Variants in NGF observed in about 807,000 individuals in gnomAD.
NGF encodes the protein nerve growth factor, also known as beta-nerve growth factor.
In NGF, 4 loss-of-function variants were observed where a neutral mutation model predicts 12.8. The observed-to-expected ratio is 0.31, with a 90% CI of 0.15 to 0.72. The LOEUF (loss-of-function observed/expected upper bound fraction) is 0.72, where lower values mean the gene tolerates loss of function less well. Among genes scored for constraint, NGF ranks in the 30% least tolerant of loss-of-function variants. The probability of loss-of-function intolerance (pLI) is 0.69; values close to 1 mark genes in which losing one functional copy is unlikely to be tolerated. For missense variants in NGF, 283 were observed against 330.8 expected (o/e 0.86, Z 1.12); for synonymous variants, 140 against 130.0 (o/e 1.08, Z -0.52).
intron 1 of NGF, among the ~76,000 whole-genome samples, chr1:115,318,726 C>T (rs1654537845): frequency 6.6e-6 from 1 of 152,208 alleles, no homozygotes; most frequent in Admixed American, 6.5e-5. Flanking sequence ...TCCCTGGCAG[C>T]CCACCTGCTT....
chr1:115,326,061 C>G (rs780003552), intron 1 of NGF, among the ~76,000 whole-genome samples: 1 of 151,968 alleles, frequency 6.6e-6, no homozygotes, highest in Non-Finnish European at 1.5e-5. Context: ...AGTCGTAGAT[C>G]GTAGCTCATG....
intron 1 of NGF, among the ~76,000 whole-genome samples, chr1:115,334,415 A>C (rs1231186081): frequency 2.0e-5 from 3 of 152,032 alleles, no homozygotes; most frequent in Admixed American, 2.0e-4. Context: ...CTCTAATAGC[A>C]CCTGTCCCTT....
chr1:115,304,123 T>C (rs965856026), intron 1 of NGF, among the ~76,000 whole-genome samples: 2 of 152,030 alleles, frequency 1.3e-5, no homozygotes, highest in Non-Finnish European at 2.9e-5. Context: ...GAGCAATACC[T>C]GTAATGGTCA....
intron 2 of NGF, among the ~76,000 whole-genome samples, chr1:115,290,362 C>T (rs1402070728): frequency 7.1e-6 from 1 of 140,480 alleles, no homozygotes; most frequent in Non-Finnish European, 1.6e-5. Context: ...TTTTCTAATT[C>T]TGAGACAAAC....
chr1:115,337,267 G>GTTTGTTTTTTTTTTTTTTTTT lies in NGF; in HGVS notation c.-137+936_-137+937insAAAAAAAAAAAAAAAAACAAA. On this transcript the variant is annotated intron_variant, in intron 1 of 2. Transcript: ENST00000369512. Reference sequence around the variant, plus strand: ...TCGAAATTTTTTTTGTTTTGTTTTTGTTTTTTTTTTTTTTTTTTTTTTTTT... The same window carrying GTTTGTTTTTTTTTTTTTTTTT: ...TCGAAATTTTTTTTGTTTTGTTTTTGTTTGTTTTTTTTTTTTTTTTTTTTTTTTTTTTTTTTTTTTTTTTTT... Among the ~76,000 whole-genome samples, 98 of 81,028 alleles carry GTTTGTTTTTTTTTTTTTTTTT rather than the reference G, an allele frequency of 1.2e-3. 10 individuals are homozygous for GTTTGTTTTTTTTTTTTTTTTT. The highest frequency in any genetic ancestry group is 3.6e-3 in the South Asian group (9 of 2,496). 53.2% of individuals were successfully genotyped at this position (81,028 alleles called of 152,430 possible).
At chr1:115,288,560 G>A (rs2101021351) in intron 2 of NGF, among the ~76,000 whole-genome samples, 1 of 152,282 alleles carries the variant, frequency 6.6e-6, no homozygotes, top group Admixed American at 6.5e-5. Context: ...CCCTGACTGT[G>A]AGATACTCGA....
intron 1 of NGF, among the ~76,000 whole-genome samples, chr1:115,316,217 C>T (rs1401351888): frequency 6.6e-6 from 1 of 152,166 alleles, no homozygotes; most frequent in Non-Finnish European, 1.5e-5. Context: ...ACCACCCAGA[C>T]TGGTTATCTC....
intron 1 of NGF, among the ~76,000 whole-genome samples, chr1:115,337,777 G>T (rs1020296942): frequency 6.6e-6 from 1 of 151,992 alleles, no homozygotes; most frequent in Non-Finnish European, 1.5e-5. Context: ...CGCTCCCCCC[G>T]CGGTGCTGGC....
intron 1 of NGF, among the ~76,000 whole-genome samples, chr1:115,312,420 GT>G (rs1394497655): frequency 6.6e-6 from 1 of 152,050 alleles, no homozygotes; most frequent in Non-Finnish European, 1.5e-5. Flanking sequence ...CATGAGCTTT[GT>G]TTTTAAGTAA....
intron 1 of NGF, among the ~76,000 whole-genome samples, chr1:115,311,012 A>G (rs760416690): frequency 4.9e-4 from 75 of 152,186 alleles, no homozygotes; most frequent in Non-Finnish European, 1.6e-4. Flanking sequence ...TTGAGGCCAC[A>G]TGCAAAGTAG....
At chr1:115,301,303 A>C (rs776502770) in intron 1 of NGF, among the ~76,000 whole-genome samples, 7 of 152,116 alleles carry the variant, frequency 4.6e-5, no homozygotes, top group Non-Finnish European at 8.8e-5. Context: ...CGCACTTCTC[A>C]ATCTTTAGCA....
At chr1:115,292,086 C>A (rs1421537844) in intron 2 of NGF, among the ~76,000 whole-genome samples, 1 of 152,134 alleles carries the variant, frequency 6.6e-6, no homozygotes, top group Non-Finnish European at 1.5e-5. Context: ...TTGGCCTTCA[C>A]TCTAAATGTT....
At chr1:115,299,413 A>C (rs1329207909) in intron 1 of NGF, among the ~76,000 whole-genome samples, 1 of 152,172 alleles carries the variant, frequency 6.6e-6, no homozygotes, top group African/African-American at 2.4e-5. Context: ...ATCAAAGGGC[A>C]CTTGCTATGA....
intron 1 of NGF, among the ~76,000 whole-genome samples, chr1:115,323,714 G>A (rs546656499): frequency 3.5e-4 from 54 of 152,326 alleles, no homozygotes; most frequent in African/African-American, 9.4e-4. Flanking sequence ...TAAGCTGCCT[G>A]CATCTTAGGT....
At chr1:115,293,317 G>A (rs1471864756) in intron 2 of NGF, among the ~76,000 whole-genome samples, 1 of 152,194 alleles carries the variant, frequency 6.6e-6, no homozygotes, top group Non-Finnish European at 1.5e-5. Flanking sequence ...TCGGACCAGA[G>A]AGTTGTGTGG....
intron 1 of NGF, among the ~76,000 whole-genome samples, chr1:115,322,894 C>A (rs1182245982): frequency 6.6e-6 from 1 of 152,130 alleles, no homozygotes; most frequent in African/African-American, 2.4e-5. Flanking sequence ...TTCCATGAGT[C>A]ATTGACTGAT....
chr1:115,305,406 C>A (rs1279790065), intron 1 of NGF, among the ~76,000 whole-genome samples: 2 of 152,146 alleles, frequency 1.3e-5, no homozygotes, highest in Non-Finnish European at 2.9e-5. Flanking sequence ...TCCTTTTTAA[C>A]CCTACTCTGC....
chr1:115,296,497 C>T (rs1421510315), intron 1 of NGF, among the ~76,000 whole-genome samples: 6 of 152,202 alleles, frequency 3.9e-5, no homozygotes, highest in East Asian at 3.8e-4. Flanking sequence ...CTGCATTCTT[C>T]GGGTGTCTAC....
At chr1:115,336,840 G>A (rs1014037190) in intron 1 of NGF, among the ~76,000 whole-genome samples, 2 of 152,178 alleles carry the variant, frequency 1.3e-5, no homozygotes, top group East Asian at 1.9e-4. Flanking sequence ...TGTCATTTCT[G>A]CATTTGCAGA....
Sources: gnomAD v4.1 joint callset for allele counts (sites outside exome capture counted in the v4.1 genomes callset) on GRCh38, gnomAD v4.1.1 for gene constraint, MANE v1.5 for transcripts, NCBI Gene and HGNC (gene_info 2026-07-23, HGNC 2026-07-21) for gene names.